Variants in SYK observed in about 807,000 individuals in gnomAD.
SYK encodes tyrosine-protein kinase SYK.
A neutral mutation model predicts 77.8 loss-of-function variants in SYK; 16 were observed. The ratio of observed to expected loss-of-function variants is 0.21; its 90% CI spans 0.14 to 0.31. The LOEUF (loss-of-function observed/expected upper bound fraction) is 0.31. SYK is among the 10% of genes least tolerant of loss of function. The pLI is 1.00. For missense variants in SYK, 529 were observed against 814.4 expected, an observed-to-expected ratio of 0.65 and a Z score of 4.26; for synonymous variants, 312 against 308.7, an observed-to-expected ratio of 1.01 and a Z score of -0.11.
intron 3 of SYK, among the ~76,000 whole-genome samples, chr9:90,856,561 A>G (rs1221276052): frequency 6.6e-6 from 1 of 150,818 alleles, no homozygotes; most frequent in Non-Finnish European, 1.5e-5. Context: ...ATTTTTTTTA[A>G]TTACATTTTT....
chr9:90,839,735 T>C (rs1826224126), intron 1 of SYK, among the ~76,000 whole-genome samples: 1 of 152,230 alleles, frequency 6.6e-6, no homozygotes, highest in South Asian at 2.1e-4. Context: ...TGCAACTACA[T>C]AAAAAGTAAC....
chr9:90,880,642 C>T (rs1828115317), intron 11 of SYK, among the ~76,000 whole-genome samples: 2 of 152,208 alleles, frequency 1.3e-5, no homozygotes, highest in African/African-American at 2.4e-5. Flanking sequence ...GAATGCTGGG[C>T]ACCTTATCCA....
At chr9:90,885,245 G>A (rs1180858305) in intron 11 of SYK, among the ~76,000 whole-genome samples, 1 of 151,852 alleles carries the variant, frequency 6.6e-6, no homozygotes. Flanking sequence ...AGCTAAATAA[G>A]ATATAAGAGA....
chr9:90,869,714 G>A (rs1437326597), intron 7 of SYK, among the ~76,000 whole-genome samples: 1 of 152,190 alleles, frequency 6.6e-6, no homozygotes, highest in African/African-American at 2.4e-5. Flanking sequence ...GATAGTTAAT[G>A]AAAAGTATGT....
rs1195973412 is a variant in SYK at position 90,896,092 on chromosome 9, T to G, written c.*492T>G. ...CTTCTACGGCCATGAGACTGATCCC[T>G]GGCCACTGAAAAGCTTTCCTGACAA... On this transcript the variant is annotated 3_prime_UTR_variant, in exon 14 of 14. Coordinates refer to ENST00000375754, the MANE Select transcript of SYK (RefSeq NM_003177.7). 4.3e-6 allele frequency: 1 copy of G among 233,432 alleles called. No individual in the cohort carries two copies. Among genetic ancestry groups the G allele is most frequent in the Non-Finnish European group, 8.5e-6 (1 of 118,316 alleles). 14.5% of individuals were successfully genotyped at this position (233,432 alleles called of 1,614,324 possible).
In SYK at chr9:90,864,665, A is replaced by C; in HGVS notation, c.794A>C (p.Gln265Pro). 1 of 1,613,840 alleles carries C rather than the reference A, an allele frequency of 6.2e-7. No homozygotes were observed. Among genetic ancestry groups the C allele is most frequent in the Non-Finnish European group, 8.5e-7 (1 of 1,179,688 alleles). ...GTCCCATGTCAAAAAATCGGCACACAGGGTGAGTTCCCAAGACACTGGAGT... is the reference window on the plus strand; with the variant it reads ...GTCCCATGTCAAAAAATCGGCACACCGGGTGAGTTCCCAAGACACTGGAGT... Reference protein sequence around the residue: ...LTVPCQKIGTQGNVNFGGRPQ... With the variant: ...LTVPCQKIGTPGNVNFGGRPQ... Residue 265 changes from glutamine (Q) to proline (P), a missense_variant and splice_region_variant, in exon 5 of 14, where the codon CAG (glutamine) becomes CCG (proline). By Grantham distance (76) the Gln-to-Pro change is moderately conservative. Coordinates refer to ENST00000375754, the MANE Select transcript of SYK (RefSeq NM_003177.7).
At chr9:90,857,178 G>A (rs964704622) in intron 3 of SYK, among the ~76,000 whole-genome samples, 10 of 152,210 alleles carry the variant, frequency 6.6e-5, no homozygotes, top group Admixed American at 3.9e-4. Flanking sequence ...ACTGTGTTAG[G>A]CTGTCACGAG....
At chr9:90,805,549 A>G (rs570947355) in intron 1 of SYK, among the ~76,000 whole-genome samples, 1 of 152,350 alleles carries the variant, frequency 6.6e-6, no homozygotes, top group East Asian at 1.9e-4. Context: ...AGGAATATCC[A>G]CAGTTTAAAT....
At chr9:90,830,030 A>G (rs1016707445) in intron 1 of SYK, among the ~76,000 whole-genome samples, 13 of 152,226 alleles carry the variant, frequency 8.5e-5, no homozygotes, top group Non-Finnish European at 1.2e-4. Context: ...CAAGTATTTC[A>G]ATATCCCTCT....
chr9:90,810,510 T>G lies in SYK; in HGVS notation c.-42+8617T>G, dbSNP rs566136595. ...ACATTTGAACTTGGGGGGACACAATTCAACCTGTAACAAATGTGTGAGTGA... is the reference window on the plus strand; with the variant it reads ...ACATTTGAACTTGGGGGGACACAATGCAACCTGTAACAAATGTGTGAGTGA... On this transcript the variant is annotated intron_variant, in intron 1 of 13. Coordinates refer to ENST00000375754, the MANE Select transcript of SYK (RefSeq NM_003177.7). Among the ~76,000 whole-genome samples, 20 of 152,150 alleles carry G rather than the reference T, an allele frequency of 1.3e-4. No homozygotes were observed. The East Asian group carries it at 1.5e-3, about 12-fold the overall frequency.
In SYK at chr9:90,884,614, CAT is replaced by C. The variant is rs148439712; in HGVS notation, c.1582-3131_1582-3130del. Among the ~76,000 whole-genome samples the C allele has an allele frequency of 1.6e-3, 35 of 22,106 alleles. 3 individuals are homozygous for C. The highest frequency in any genetic ancestry group is 0.013 in the East Asian group (3 of 236). The allele number at this position is 22,106 out of a possible 152,430, so 14.5% of individuals were successfully genotyped here. Reference sequence around the variant, plus strand: ...ATATGTGTACATGTACATATATACACATATACACATATGTGTACATGTACATA... The same window carrying C: ...ATATGTGTACATGTACATATATACACATACACATATGTGTACATGTACATA... On this transcript the variant is annotated intron_variant, in intron 11 of 13. Coordinates refer to ENST00000375754, the MANE Select transcript of SYK (RefSeq NM_003177.7).
intron 1 of SYK, among the ~76,000 whole-genome samples, chr9:90,843,372 G>A (rs1186377111): frequency 6.6e-6 from 1 of 152,216 alleles, no homozygotes; most frequent in African/African-American, 2.4e-5. Flanking sequence ...GCTCAGGTGG[G>A]TGAGGTGGTG....
At chr9:90,820,411 C>T (rs1229741624) in intron 1 of SYK, among the ~76,000 whole-genome samples, 2 of 152,250 alleles carry the variant, frequency 1.3e-5, no homozygotes, top group East Asian at 3.8e-4. Flanking sequence ...CAGGCATTTT[C>T]ATACATCTTC....
chr9:90,825,560 C>G (rs936170535), intron 1 of SYK, among the ~76,000 whole-genome samples: 2 of 152,178 alleles, frequency 1.3e-5, no homozygotes, highest in African/African-American at 4.8e-5. Context: ...TAAATTAAGT[C>G]AAAACAGTGG....
chr9:90,844,759 T>A (rs1826518400), intron 2 of SYK, among the ~76,000 whole-genome samples: 1 of 152,224 alleles, frequency 6.6e-6, no homozygotes, highest in African/African-American at 2.4e-5. Flanking sequence ...TATCACCTGC[T>A]ATGCACCACA....
intron 11 of SYK, among the ~76,000 whole-genome samples, chr9:90,884,150 T>TGTGTGTATATATATATACACATAC (rs1828272206): frequency 4.3e-4 from 31 of 71,298 alleles, no homozygotes; most frequent in East Asian, 2.9e-3. Flanking sequence ...TATATGTGTG[T>TGTGTGTATATATATATACACATAC]GTGTATATAT....
chr9:90,849,319 A>C (rs1397684598), intron 3 of SYK, among the ~76,000 whole-genome samples: 1 of 151,946 alleles, frequency 6.6e-6, no homozygotes. Context: ...CTCCGCTCTG[A>C]TCTCCTGTCC....
chr9:90,887,374 A>AATG lies in SYK; in HGVS notation c.1582-374_1582-372dup, dbSNP rs373851873. On this transcript the variant is annotated intron_variant, in intron 11 of 13. Coordinates refer to ENST00000375754, the MANE Select transcript of SYK (RefSeq NM_003177.7). ...TGGGAATAATGCTGCTATGAACATG[A>AATG]ATGTACACAATTTTATGCTTTTCTT... Among the ~76,000 whole-genome samples the AATG allele has an allele frequency of 6.0e-3, 908 of 150,998 alleles. 7 individuals are homozygous for AATG. Among genetic ancestry groups the AATG allele is most frequent in the African/African-American group, 0.021 (857 of 41,128 alleles).
intron 1 of SYK, among the ~76,000 whole-genome samples, chr9:90,827,330 C>G (rs970771501): frequency 6.6e-6 from 1 of 152,140 alleles, no homozygotes; most frequent in African/African-American, 2.4e-5. Flanking sequence ...TGCTGGGGAT[C>G]TCACACTTCT....
Sources: gnomAD v4.1 joint callset for allele counts (sites outside exome capture counted in the v4.1 genomes callset) on GRCh38, gnomAD v4.1.1 for gene constraint, MANE v1.5 for transcripts, NCBI Gene and HGNC (gene_info 2026-07-23, HGNC 2026-07-21) for gene names.